The following XAB2 variants were observed in gnomAD, a reference collection of about 807,000 sequenced individuals.
XAB2 encodes the protein XPA binding protein 2, also known as pre-mRNA-splicing factor SYF1.
In XAB2, 57 loss-of-function variants were observed where a neutral mutation model predicts 113.4. The observed-to-expected ratio is 0.50, with a 90% CI of 0.41 to 0.63. The LOEUF is 0.63. Ranked by LOEUF, XAB2 falls within the 20% of genes least tolerant of loss-of-function variation. The probability of loss-of-function intolerance (pLI) is 0.00; values close to 1 mark genes in which losing one functional copy is unlikely to be tolerated. For synonymous variants in XAB2, 497 were observed against 498.8 expected (o/e 1.00, Z 0.05); for missense variants, 1,037 against 1,233.3 (o/e 0.84, Z 2.38).
rs1425177925 is a variant in XAB2, at chr19:7,624,786, C to G, written c.823-341G>C. Among the ~76,000 whole-genome samples, 1 of 152,178 alleles carries G rather than the reference C, an allele frequency of 6.6e-6. No individual in the cohort carries two copies. Among genetic ancestry groups the G allele is most frequent in the African/African-American group, 2.4e-5 (1 of 41,450 alleles). On this transcript the variant is annotated intron_variant, in intron 6 of 18. Transcript: ENST00000358368. The surrounding 1 kb of genome is among the most constrained non-coding windows in gnomAD (Gnocchi z 4.2). ...ACCCCCCAGCGCCTATGGGTCCACC[C>G]TGCAGGGACCCTCGCCTCAGCTCAT...
At chr19:7,626,602 G>A (rs1416630847) in intron 4 of XAB2, among the ~76,000 whole-genome samples, 1 of 151,774 alleles carries the variant, frequency 6.6e-6, no homozygotes, top group Non-Finnish European at 1.5e-5. Context: ...CAGCCCCAAT[G>A]GTCCAGCCTT....
At position 7,623,630 on chromosome 19, in the gene XAB2, G is replaced by C; in HGVS notation, c.1119+101C>G. ...GGTGGAATTGGACCTACTAAGCAAA[G>C]TCAGGCCCCTAGAAGGTGACATTAT... On this transcript the variant is annotated intron_variant, in intron 8 of 18. Coordinates refer to ENST00000358368, the MANE Select transcript of XAB2 (RefSeq NM_020196.3). The surrounding 1 kb of genome is among the most constrained non-coding windows in gnomAD (Gnocchi z 4.6). 4.8e-6 allele frequency: 7 copies of C among 1,464,966 alleles called. No homozygotes were observed. The highest frequency in any genetic ancestry group is 6.4e-6 in the Non-Finnish European group (7 of 1,100,988). The allele number at this position is 1,464,966 out of a possible 1,614,324, so 90.7% of individuals were successfully genotyped here.
In XAB2 at chr19:7,627,865, G is replaced by A. The variant is rs1477347316; in HGVS notation, c.201-14C>T. ...CAGAGTTTGTAGCTGGGGAATAGGAGGGGACAGATGCTGATCGGTCAGCTT... is the reference window on the plus strand; with the variant it reads ...CAGAGTTTGTAGCTGGGGAATAGGAAGGGACAGATGCTGATCGGTCAGCTT... On this transcript the variant is annotated splice_polypyrimidine_tract_variant and intron_variant, in intron 2 of 18. Coordinates refer to ENST00000358368, the MANE Select transcript of XAB2 (RefSeq NM_020196.3). This position sits in a 1 kb window ranked among gnomAD's most constrained non-coding sequence, Gnocchi z 4.5. 6.2e-7 allele frequency: 1 copy of A among 1,610,014 alleles called. No homozygotes were observed. The highest frequency in any genetic ancestry group is 8.5e-7 in the Non-Finnish European group (1 of 1,176,710).
At position 7,624,301 on chromosome 19, in the gene XAB2, C is replaced by T. The variant is rs1245701125; in HGVS notation, c.967G>A (p.Asp323Asn). The change falls in exon 7 of 19, where the codon GAT becomes AAT. Residue 323 changes from aspartate (D) to asparagine (N), a missense_variant and splice_region_variant. Physicochemically the swap from Asp to Asn is conservative, Grantham distance 23. Transcript: ENST00000358368. This position sits in a 1 kb window ranked among gnomAD's most constrained non-coding sequence, Gnocchi z 4.2. ...TASELGREEE[D>N]DVDLELRLAR... is the part of the protein sequence containing the mutation. ...CCAGCCGGGGCCCCCAGAGGCTCAC[C>T]CTCCTCCTCGCGCCCCAGCTCCGAG... The T allele has an allele frequency of 6.2e-7, 1 of 1,613,234 alleles. No individual in the cohort carries two copies. The highest frequency in any genetic ancestry group is 1.7e-5 in the Admixed American group (1 of 60,022).
rs551653238 is a variant in XAB2, at chr19:7,627,351, C to T, written c.414G>A (p.Arg138=). The change falls in exon 4 of 19, where the codon CGG becomes CGA. Residue 138 remains arginine, a synonymous_variant. Transcript: ENST00000358368. This position sits in a 1 kb window ranked among gnomAD's most constrained non-coding sequence, Gnocchi z 4.5. ...HTRRTFDRAL[R]ALPITQHSRI... is the part of the protein sequence containing the mutation. Reference sequence around the variant, plus strand: ...GAGAGTGCTGCGTGATGGGCAGTGCCCGGAGGGCACGGTCGAAGGTGCGGC... The same window carrying T: ...GAGAGTGCTGCGTGATGGGCAGTGCTCGGAGGGCACGGTCGAAGGTGCGGC... 1.2e-6 allele frequency: 2 copies of T among 1,613,514 alleles called. No individual in the cohort carries two copies. The highest frequency in any genetic ancestry group is 2.2e-5 in the East Asian group (1 of 44,866).
chr19:7,622,046 G>A (rs2031044700), intron 12 of XAB2: 2 of 361,580 alleles, frequency 5.5e-6, no homozygotes, highest in South Asian at 6.5e-5. Context: ...TATAAGAAGA[G>A]GAAATTTCAA....
chr19:7,625,910 G>A lies in XAB2; in HGVS notation c.792C>T (p.Asp264=), dbSNP rs1422322593. 2.5e-6 allele frequency: 4 copies of A among 1,612,608 alleles called. No homozygotes were observed. Among genetic ancestry groups the A allele is most frequent in the South Asian group, 2.2e-5 (2 of 90,950 alleles). The stretch of plus-strand genomic sequence containing the variant: ...CGAAATGGCCGCTGCGGATGTAGTA[G>A]TCGGCGAGAGAACACCAGAGCTTGC... ...QLGKLWCSLA[D]YYIRSGHFEK... Residue 264 remains aspartate (D), a synonymous_variant, in exon 6 of 19, where the codon GAC becomes GAT. Transcript: ENST00000358368. This position sits in a 1 kb window ranked among gnomAD's most constrained non-coding sequence, Gnocchi z 5.2.
Position 7,624,991 on chromosome 19 carries a change from G to A in XAB2, c.823-546C>T, listed in dbSNP as rs2031109249. 6.6e-6 allele frequency among the ~76,000 whole-genome samples: 1 copy of A among 152,230 alleles called. No homozygotes were observed. Among genetic ancestry groups the A allele is most frequent in the Admixed American group, 6.5e-5 (1 of 15,284 alleles). ...CTTGGCCTACACGTGCCCCTGGAAG[G>A]GGCGCTGCGAAGCGCATACCGCCCA... On this transcript the variant is annotated intron_variant, in intron 6 of 18. Coordinates refer to ENST00000358368, the MANE Select transcript of XAB2 (RefSeq NM_020196.3). The surrounding 1 kb of genome is among the most constrained non-coding windows in gnomAD (Gnocchi z 4.2).
intron 1 of XAB2, among the ~76,000 whole-genome samples, chr19:7,629,029 C>T (rs2146191082): frequency 6.6e-6 from 1 of 152,304 alleles, no homozygotes; most frequent in East Asian, 1.9e-4. Context: ...GTTCTTCTAG[C>T]CTGGCCACCA....
Position 7,629,542 on chromosome 19 carries a change from A to G in XAB2, c.-15T>C, listed in dbSNP as rs766949993. ...ATCACCACCATTTTTCTGGATGCCC[A>G]GGTACAGGAGAGAGTCGCGCGCTTA... On this transcript the variant is annotated 5_prime_UTR_variant, in exon 1 of 19. Transcript: ENST00000358368. 1.2e-6 allele frequency: 2 copies of G among 1,600,452 alleles called. No homozygotes were observed. Among genetic ancestry groups the G allele is most frequent in the East Asian group, 2.3e-5 (1 of 44,322 alleles).
chr19:7,624,161 C>G lies in XAB2; in HGVS notation c.967+140G>C. 7.2e-7 allele frequency: 1 copy of G among 1,388,762 alleles called. No individual in the cohort carries two copies. The highest frequency in any genetic ancestry group is 9.8e-7 in the Non-Finnish European group (1 of 1,015,344). The allele number at this position is 1,388,762 out of a possible 1,614,324, so 86.0% of individuals were successfully genotyped here. On this transcript the variant is annotated intron_variant, in intron 7 of 18. Coordinates refer to ENST00000358368, the MANE Select transcript of XAB2 (RefSeq NM_020196.3). This position sits in a 1 kb window ranked among gnomAD's most constrained non-coding sequence, Gnocchi z 4.2. ...TCCTGGCTCCTTCAAGACCCCCACA[C>G]CCCCTGCATCCACTCAGCCTCCTTC...
chr19:7,622,409 C>T lies in XAB2; in HGVS notation c.1539G>A (p.Leu513=), dbSNP rs199512413. The T allele has an allele frequency of 6.2e-6, 10 of 1,614,166 alleles. No homozygotes were observed. In the African/African-American group the frequency reaches 1.3e-4, roughly 22 times the overall value. The stretch of plus-strand genomic sequence containing the variant: ...TGACGATCTGGGGTGTTGCGATACG[C>T]AGGTCCAGGATGCGGTCGTACACGG... ...TKAVYDRILD[L]RIATPQIVIN... is the part of the protein sequence containing the mutation. Residue 513 remains leucine (L), a synonymous_variant, in exon 12 of 19, where the codon CTG becomes CTA. Transcript: ENST00000358368.
intron 12 of XAB2, chr19:7,622,113 G>A (rs1393508902): frequency 5.6e-6 from 3 of 538,116 alleles, no homozygotes; most frequent in Non-Finnish European, 3.3e-6. Context: ...GCGGCTGTCT[G>A]TAAGCTAAGG....
chr19:7,625,586 C>T lies in XAB2; in HGVS notation c.822+294G>A, dbSNP rs574519540. ...CTCCACCTCCCAAGTTCAAGCGATT[C>T]TCCTGCCTCAGCCTCCCGAGTAGCT... On this transcript the variant is annotated intron_variant, in intron 6 of 18. Coordinates refer to ENST00000358368, the MANE Select transcript of XAB2 (RefSeq NM_020196.3). This position sits in a 1 kb window ranked among gnomAD's most constrained non-coding sequence, Gnocchi z 5.2. Among the ~76,000 whole-genome samples, 2 of 149,896 alleles carry T rather than the reference C, an allele frequency of 1.3e-5. No individual in the cohort carries two copies. Among genetic ancestry groups the T allele is most frequent in the African/African-American group, 4.9e-5 (2 of 40,764 alleles).
chr19:7,625,634 A>G lies in XAB2; in HGVS notation c.822+246T>C, dbSNP rs1055249486. 3.3e-5 allele frequency among the ~76,000 whole-genome samples: 5 copies of G among 151,838 alleles called. No individual in the cohort carries two copies. The highest frequency in any genetic ancestry group is 3.3e-4 in the Admixed American group (5 of 15,256). On this transcript the variant is annotated intron_variant, in intron 6 of 18. Coordinates refer to ENST00000358368, the MANE Select transcript of XAB2 (RefSeq NM_020196.3). The surrounding 1 kb of genome is among the most constrained non-coding windows in gnomAD (Gnocchi z 5.2). ...GCTGGGATTACAGGCGCGCACCACC[A>G]TGTCTGACTAATTTTTGTATTTTTA...
intron 9 of XAB2, 21 bp from the exon 10 acceptor site, chr19:7,622,914 G>A (rs190311710): frequency 5.0e-6 from 8 of 1,611,442 alleles, no homozygotes; most frequent in East Asian, 2.2e-5. Flanking sequence ...GGGCAGAGGC[G>A]AGGCTGAGAC....
Position 7,625,910 on chromosome 19 carries a change from G to C in XAB2, c.792C>G (p.Asp264Glu). 6.2e-7 allele frequency: 1 copy of C among 1,612,608 alleles called. No individual in the cohort carries two copies. The highest frequency in any genetic ancestry group is 8.5e-7 in the Non-Finnish European group (1 of 1,179,170). The change falls in exon 6 of 19, where the codon GAC (aspartate) becomes GAG (glutamate). Residue 264 changes from aspartate (D) to glutamate (E), a missense_variant. Coordinates refer to ENST00000358368, the MANE Select transcript of XAB2 (RefSeq NM_020196.3). This position sits in a 1 kb window ranked among gnomAD's most constrained non-coding sequence, Gnocchi z 5.2. ...CGAAATGGCCGCTGCGGATGTAGTA[G>C]TCGGCGAGAGAACACCAGAGCTTGC... ...QLGKLWCSLA[D>E]YYIRSGHFEK...
At position 7,629,506 on chromosome 19, in the gene XAB2, A is replaced by G; in HGVS notation, c.22T>C (p.Ser8Pro). Residue 8 changes from serine (S) to proline (P), a missense_variant, in exon 1 of 19, where the codon TCG becomes CCG. Coordinates refer to ENST00000358368, the MANE Select transcript of XAB2 (RefSeq NM_020196.3). MVVMARL[S>P]RPERPDLVFE... ...ACAAGGTCCGGCCGCTCGGGCCGCG[A>G]GAGTCGCGCCATCACCACCATTTTT... The G allele has an allele frequency of 6.2e-7, 1 of 1,605,360 alleles. No individual in the cohort carries two copies. Among genetic ancestry groups the G allele is most frequent in the Non-Finnish European group, 8.5e-7 (1 of 1,176,144 alleles).
chr19:7,622,391 C>T lies in XAB2; in HGVS notation c.1557G>A (p.Gln519=). 2 of 1,614,198 alleles carry T rather than the reference C, an allele frequency of 1.2e-6. No individual in the cohort carries two copies. Among genetic ancestry groups the T allele is most frequent in the Middle Eastern group, 1.6e-4 (1 of 6,062 alleles). The stretch of plus-strand genomic sequence containing the variant: ...GGAACATGGCATAGTTGATGACGAT[C>T]TGGGGTGTTGCGATACGCAGGTCCA... ...RILDLRIATP[Q]IVINYAMFLE... is the part of the protein sequence containing the mutation. The change falls in exon 12 of 19, where the codon CAG becomes CAA. Residue 519 remains glutamine, a synonymous_variant. Coordinates refer to ENST00000358368, the MANE Select transcript of XAB2 (RefSeq NM_020196.3).
Sources: allele counts gnomAD v4.1 joint callset (sites outside exome capture counted in the v4.1 genomes callset), GRCh38; gene constraint gnomAD v4.1.1; non-coding constraint Gnocchi (gnomAD v3.1); transcripts MANE v1.5; gene names NCBI Gene and HGNC (gene_info 2026-07-23, HGNC 2026-07-21).